Variants in MAML2 observed in about 807,000 individuals in gnomAD.
The protein encoded by MAML2 is mastermind like transcriptional coactivator 2.
Under a neutral mutation model 96.1 loss-of-function variants are expected in MAML2, and 22 were observed. The ratio of observed to expected loss-of-function variants is 0.23; its 90% CI spans 0.16 to 0.33. The LOEUF (loss-of-function observed/expected upper bound fraction) is 0.33, where lower values mean the gene tolerates loss of function less well. MAML2 is among the 10% of genes least tolerant of loss of function. MAML2 has a pLI of 1.00. For missense variants in MAML2, 1,367 were observed against 1,392.4 expected, an observed-to-expected ratio of 0.98 and a Z score of 0.29; for synonymous variants, 561 against 521.3, an observed-to-expected ratio of 1.08 and a Z score of -1.04.
At chr11:96,105,798 A>C (rs189409150) in intron 1 of MAML2, among the ~76,000 whole-genome samples, 1 of 152,246 alleles carries the variant, frequency 6.6e-6, no homozygotes, top group African/African-American at 2.4e-5. Flanking sequence ...TTCACATCAA[A>C]GATACATCTA....
chr11:96,011,993 C>T (rs1022779971), intron 2 of MAML2, among the ~76,000 whole-genome samples: 7 of 152,088 alleles, frequency 4.6e-5, no homozygotes, highest in Non-Finnish European at 8.8e-5. Context: ...GTTTTTATTC[C>T]ATTACTACCA....
intron 1 of MAML2, among the ~76,000 whole-genome samples, chr11:96,148,758 T>C (rs1011323869): frequency 6.6e-6 from 1 of 151,704 alleles, no homozygotes; most frequent in Admixed American, 6.6e-5. Flanking sequence ...GTAGTGTGTG[T>C]GTATGAGAAA....
At chr11:96,201,763 C>T (rs1294620361) in intron 1 of MAML2, among the ~76,000 whole-genome samples, 1 of 150,858 alleles carries the variant, frequency 6.6e-6, no homozygotes, top group Admixed American at 6.6e-5. Flanking sequence ...ACTAAAAATA[C>T]AAAAAATTAG....
At chr11:96,286,288 C>T (rs1238988156) in intron 1 of MAML2, among the ~76,000 whole-genome samples, 3 of 152,110 alleles carry the variant, frequency 2.0e-5, no homozygotes, top group Admixed American at 1.3e-4. Flanking sequence ...AACACATGAA[C>T]ACATTGCGGG....
At chr11:96,135,476 A>G (rs1303162456) in intron 1 of MAML2, among the ~76,000 whole-genome samples, 1 of 151,118 alleles carries the variant, frequency 6.6e-6, no homozygotes, top group Non-Finnish European at 1.5e-5. Flanking sequence ...AGAAGCTGAT[A>G]CTTAGAGATG....
chr11:96,021,193 C>T (rs139801888), intron 2 of MAML2, among the ~76,000 whole-genome samples: 160 of 152,272 alleles, frequency 1.1e-3, no homozygotes, highest in African/African-American at 3.6e-3. Flanking sequence ...TCTTGTCACA[C>T]TGTATAGGTT....
At position 96,341,447 on chromosome 11, in the gene MAML2, A is replaced by T; in HGVS notation, c.449T>A (p.Ile150Lys). 1 of 1,550,800 alleles carries T rather than the reference A, an allele frequency of 6.4e-7. No homozygotes were observed. The highest frequency in any genetic ancestry group is 8.7e-7 in the Non-Finnish European group (1 of 1,146,546). ...NSSNNGGSGG[I>K]NGEQQPPAST... ...AGCGGGCGGCTGCTGCTCTCCGTTT[A>T]TCCCACCACTGCCACCATTATTGCT... Residue 150 changes from isoleucine (I) to lysine (K), a missense_variant, in exon 1 of 5, where the codon ATA (isoleucine) becomes AAA (lysine). Coordinates refer to ENST00000524717, the MANE Select transcript of MAML2 (RefSeq NM_032427.4).
intron 1 of MAML2, among the ~76,000 whole-genome samples, chr11:96,098,779 T>C (rs1438804671): frequency 6.6e-6 from 1 of 152,204 alleles, no homozygotes; most frequent in African/African-American, 2.4e-5. Context: ...GTTGAAGGTA[T>C]GAGAACGCCT....
At chr11:96,053,682 G>T (rs1207347299) in intron 2 of MAML2, among the ~76,000 whole-genome samples, 2 of 152,150 alleles carry the variant, frequency 1.3e-5, no homozygotes, top group South Asian at 2.1e-4. Flanking sequence ...AAATTTTCCT[G>T]TGTACTTATG....
At chr11:96,216,589 T>C (rs905856750) in intron 1 of MAML2, among the ~76,000 whole-genome samples, 2 of 152,216 alleles carry the variant, frequency 1.3e-5, no homozygotes, top group African/African-American at 4.8e-5. Context: ...GTCCAGGCCA[T>C]GGTGCACTCC....
intron 1 of MAML2, among the ~76,000 whole-genome samples, chr11:96,153,292 T>C (rs1454558452): frequency 6.6e-6 from 1 of 152,082 alleles, no homozygotes; most frequent in Admixed American, 6.5e-5. Context: ...TGTAGTGGTA[T>C]TATTTGTTAG....
chr11:95,993,435 C>A (rs961198879), intron 2 of MAML2, among the ~76,000 whole-genome samples: 15 of 152,140 alleles, frequency 9.9e-5, no homozygotes, highest in African/African-American at 3.6e-4. Flanking sequence ...GGTGTGGTGG[C>A]ACATGCCTGT....
At chr11:96,313,771 G>A (rs1486197515) in intron 1 of MAML2, among the ~76,000 whole-genome samples, 2 of 152,110 alleles carry the variant, frequency 1.3e-5, no homozygotes, top group Non-Finnish European at 2.9e-5. Flanking sequence ...GGATACATTT[G>A]TGAATAAAAA....
intron 1 of MAML2, among the ~76,000 whole-genome samples, chr11:96,143,580 G>A (rs530137277): frequency 3.9e-5 from 6 of 152,278 alleles, no homozygotes; most frequent in African/African-American, 1.4e-4. Context: ...GTTTCTGTGG[G>A]TGTGTGTCTG....
At chr11:96,211,728 G>A (rs1198272172) in intron 1 of MAML2, among the ~76,000 whole-genome samples, 1 of 152,132 alleles carries the variant, frequency 6.6e-6, no homozygotes, top group Non-Finnish European at 1.5e-5. Context: ...ATGGAAAGGG[G>A]TTGGAGCTCT....
intron 1 of MAML2, among the ~76,000 whole-genome samples, chr11:96,163,858 CTTTCT>C (rs1199656224): frequency 3.0e-5 from 3 of 100,534 alleles, no homozygotes; most frequent in Admixed American, 3.1e-4. Context: ...TTCTTTCTCT[CTTTCT>C]TTTTTTTTTT....
chr11:96,334,021 G>A (rs756443473), intron 1 of MAML2, among the ~76,000 whole-genome samples: 16 of 152,144 alleles, frequency 1.1e-4, no homozygotes, highest in Non-Finnish European at 1.6e-4. Context: ...TTCTAGATTA[G>A]GAGTCCTAGA....
intron 1 of MAML2, among the ~76,000 whole-genome samples, chr11:96,138,676 T>C (rs1336837333): frequency 6.6e-6 from 1 of 152,108 alleles, no homozygotes; most frequent in Non-Finnish European, 1.5e-5. Flanking sequence ...CTGGGTTTGA[T>C]AATGCATCCT....
At chr11:95,995,841 T>C (rs1433715494) in intron 2 of MAML2, among the ~76,000 whole-genome samples, 2 of 152,132 alleles carry the variant, frequency 1.3e-5, no homozygotes, top group Non-Finnish European at 2.9e-5. Flanking sequence ...GAGTTTAAGA[T>C]CTCTGGCATA....
Sources: gnomAD v4.1 joint callset for allele counts (sites outside exome capture counted in the v4.1 genomes callset) on GRCh38, gnomAD v4.1.1 for gene constraint, MANE v1.5 for transcripts, NCBI Gene and HGNC (gene_info 2026-07-23, HGNC 2026-07-21) for gene names.